CFAP221: variants seen among roughly 807,000 people sequenced by gnomAD.
CFAP221 encodes the protein cilia- and flagella-associated protein 221.
A neutral mutation model predicts 113.1 loss-of-function variants in CFAP221; 97 were observed. That is an observed-to-expected ratio of 0.86 (90% CI 0.73 to 1.02). CFAP221 has a LOEUF of 1.02. Ranked by LOEUF, CFAP221 falls within the 50% of genes least tolerant of loss-of-function variation. CFAP221 has a pLI of 0.00. For missense variants in CFAP221, 1,025 were observed against 1,013.4 expected, an observed-to-expected ratio of 1.01 and a Z score of -0.16; for synonymous variants, 331 against 354.4, an observed-to-expected ratio of 0.93 and a Z score of 0.74.
intron 19 of CFAP221, among the ~76,000 whole-genome samples, chr2:119,633,302 A>G (rs1686908597): frequency 6.6e-6 from 1 of 151,766 alleles, no homozygotes; most frequent in Non-Finnish European, 1.5e-5. Flanking sequence ...CTTCAATTAG[A>G]CAAAGATTTC....
chr2:119,647,918 A>G (rs558564389), intron 22 of CFAP221, among the ~76,000 whole-genome samples: 9 of 152,328 alleles, frequency 5.9e-5, no homozygotes, highest in African/African-American at 1.7e-4. Flanking sequence ...GAAATGTTGT[A>G]TAGAATAGTG....
chr2:119,614,500 A>G (rs1007059865), intron 13 of CFAP221, among the ~76,000 whole-genome samples: 2 of 152,214 alleles, frequency 1.3e-5, no homozygotes, highest in Admixed American at 1.3e-4. Flanking sequence ...TAGCAGAAGG[A>G]GACACAAACA....
intron 21 of CFAP221, among the ~76,000 whole-genome samples, chr2:119,641,539 G>A (rs1879710): frequency 0.95 from 145,222 of 152,230 alleles, 69,304 homozygotes; most frequent in East Asian, 0.99. Flanking sequence ...GTCCTTGGGC[G>A]AGCTACGTAC....
At chr2:119,566,666 C>T (rs1681659137) in intron 6 of CFAP221, among the ~76,000 whole-genome samples, 1 of 152,180 alleles carries the variant, frequency 6.6e-6, no homozygotes, top group African/African-American at 2.4e-5. Context: ...TGAGTGCTGC[C>T]TCTTGGCCCG....
At chr2:119,648,863 C>T (rs1044051021) in intron 22 of CFAP221, among the ~76,000 whole-genome samples, 1 of 152,174 alleles carries the variant, frequency 6.6e-6, no homozygotes, top group Admixed American at 6.5e-5. Context: ...GATGCTCCTG[C>T]GTGCTTCTGT....
At chr2:119,646,733 T>C (rs1687835060) in intron 21 of CFAP221, among the ~76,000 whole-genome samples, 2 of 152,164 alleles carry the variant, frequency 1.3e-5, no homozygotes, top group Admixed American at 6.5e-5. Context: ...CTTTTTAAAC[T>C]CCAGGAAGTG....
intron 6 of CFAP221, among the ~76,000 whole-genome samples, chr2:119,582,604 C>T (rs571161065): frequency 2.2e-4 from 33 of 152,034 alleles, no homozygotes; most frequent in South Asian, 4.2e-4. Context: ...TACAGGCACA[C>T]GCAACTGTGC....
rs1365795982 is a variant in CFAP221, at chr2:119,651,993, G to A, written c.2338G>A (p.Val780Ile). Residue 780 changes from valine to isoleucine, a missense_variant, in exon 23 of 24, where the codon GTA becomes ATA. Physicochemically the swap from Val to Ile is conservative, Grantham distance 29. Transcript: ENST00000413369. Reference protein sequence around the residue: ...TVERELCEQNVEVMLTPEMIK... With the variant: ...TVERELCEQNIEVMLTPEMIK... Reference sequence around the variant, plus strand: ...TTGCAGTGAGCTCTGTGAGCAGAATGTAGAAGTTATGTTGACTCCAGAAAT... The same window carrying A: ...TTGCAGTGAGCTCTGTGAGCAGAATATAGAAGTTATGTTGACTCCAGAAAT... The A allele has an allele frequency of 2.5e-6, 4 of 1,613,058 alleles. No homozygotes were observed. The South Asian group carries it at 3.3e-5, about 13-fold the overall frequency.
chr2:119,576,363 A>G (rs747539701), intron 6 of CFAP221, among the ~76,000 whole-genome samples: 9 of 151,970 alleles, frequency 5.9e-5, no homozygotes, highest in Non-Finnish European at 1.0e-4. Flanking sequence ...CTCACCCTCC[A>G]CACTCCATAG....
chr2:119,551,022 T>G (rs1029348652), intron 3 of CFAP221, among the ~76,000 whole-genome samples: 1 of 152,262 alleles, frequency 6.6e-6, no homozygotes. Flanking sequence ...CTCTTGTGAC[T>G]GACTTCTTTC....
At chr2:119,559,351 A>C (rs1486386781) in intron 3 of CFAP221, among the ~76,000 whole-genome samples, 1 of 152,092 alleles carries the variant, frequency 6.6e-6, no homozygotes, top group Non-Finnish European at 1.5e-5. Context: ...GAATCGCAGG[A>C]CTAAATTGAA....
downstream of CFAP221, among the ~76,000 whole-genome samples, chr2:119,658,619 GCACACA>G (rs370284869): frequency 4.4e-4 from 65 of 147,730 alleles, no homozygotes; most frequent in Non-Finnish European, 5.3e-4. Flanking sequence ...CCCTCAACAC[GCACACA>G]CACACACACA....
intron 15 of CFAP221, among the ~76,000 whole-genome samples, chr2:119,626,161 A>G (rs1302604661): frequency 6.6e-6 from 1 of 151,988 alleles, no homozygotes; most frequent in East Asian, 1.9e-4. Flanking sequence ...CTGTCCTCAC[A>G]TCTCCTTGTG....
Position 119,559,795 on chromosome 2 carries a change from C to T in CFAP221, c.327+20C>T, listed in dbSNP as rs1573997353. On this transcript the variant is annotated intron_variant, in intron 4 of 23. Coordinates refer to ENST00000413369, the MANE Select transcript of CFAP221 (RefSeq NM_001271049.2). ...AGAAAGGTAAGCGTCATTGGTTTAC[C>T]TGTTCTCCCACGGTGTGGTTGTCTG... 1 of 1,505,692 alleles carries T rather than the reference C, an allele frequency of 6.6e-7. No individual in the cohort carries two copies. Among genetic ancestry groups the T allele is most frequent in the Non-Finnish European group, 8.9e-7 (1 of 1,119,440 alleles). The allele number at this position is 1,505,692 out of a possible 1,614,324, so 93.3% of individuals were successfully genotyped here.
chr2:119,603,630 T>C (rs1684514407), intron 8 of CFAP221, among the ~76,000 whole-genome samples: 1 of 152,222 alleles, frequency 6.6e-6, no homozygotes. Context: ...GGAAAACAAA[T>C]GTTTATCCTA....
At chr2:119,553,417 G>A (rs959733090) in intron 3 of CFAP221, among the ~76,000 whole-genome samples, 1 of 152,190 alleles carries the variant, frequency 6.6e-6, no homozygotes, top group Non-Finnish European at 1.5e-5. Context: ...GAACGTGCAT[G>A]TGATTCAGAA....
At chr2:119,571,885 T>C (rs987794179) in intron 6 of CFAP221, among the ~76,000 whole-genome samples, 2 of 152,222 alleles carry the variant, frequency 1.3e-5, no homozygotes, top group Non-Finnish European at 1.5e-5. Context: ...ATAGAATCAA[T>C]TGGGACAGAA....
chr2:119,573,825 C>T (rs943007430), intron 6 of CFAP221, among the ~76,000 whole-genome samples: 1 of 152,152 alleles, frequency 6.6e-6, no homozygotes, highest in African/African-American at 2.4e-5. Context: ...CTCATCTTGA[C>T]CCAGTCTCTT....
At chr2:119,558,438 C>T (rs1483153476) in intron 3 of CFAP221, among the ~76,000 whole-genome samples, 2 of 152,256 alleles carry the variant, frequency 1.3e-5, no homozygotes, top group East Asian at 1.9e-4. Context: ...TAACAAGTTT[C>T]GTAAGAAAGG....
Sources: allele counts gnomAD v4.1 joint callset (sites outside exome capture counted in the v4.1 genomes callset), GRCh38; gene constraint gnomAD v4.1.1; transcripts MANE v1.5; gene names NCBI Gene and HGNC (gene_info 2026-07-23, HGNC 2026-07-21).